OVCH1: variants seen among roughly 807,000 people sequenced by gnomAD.
OVCH1 encodes ovochymase 1, also known as ovochymase-1.
Under a neutral mutation model 138.4 loss-of-function variants are expected in OVCH1, and 139 were observed. That is an observed-to-expected ratio of 1.00 (90% CI 0.87 to 1.16). OVCH1 has a LOEUF of 1.16. Among genes scored for constraint, OVCH1 ranks in the 50% most tolerant of loss-of-function variants. The pLI is 0.00. For missense variants in OVCH1, 1,367 were observed against 1,357.9 expected (o/e 1.01, Z -0.11); for synonymous variants, 453 against 467.8 (o/e 0.97, Z 0.41).
chr12:29,489,316 G>A (rs3825241), intron 6 of OVCH1, among the ~76,000 whole-genome samples: 61,545 of 151,970 alleles, frequency 0.4, 12,739 homozygotes, highest in East Asian at 0.55. Context: ...TCATAGCTAG[G>A]CCTAATAAGA....
chr12:29,485,728 A>T (rs1943077662), intron 8 of OVCH1, among the ~76,000 whole-genome samples: 1 of 150,994 alleles, frequency 6.6e-6, no homozygotes, highest in Non-Finnish European at 1.5e-5. Flanking sequence ...GTGAGCCGAG[A>T]TTGTGCCACT....
At chr12:29,439,781 G>A (rs1162593041) in intron 25 of OVCH1, among the ~76,000 whole-genome samples, 72 bp downstream of exon 26, 1 of 152,098 alleles carries the variant, frequency 6.6e-6, no homozygotes, top group Admixed American at 6.6e-5. Context: ...ATAAATCAGA[G>A]GTTCCCACGA....
chr12:29,415,311 T>C (rs1347943653), intron 3 of OVCH1, among the ~76,000 whole-genome samples: 1 of 152,110 alleles, frequency 6.6e-6, no homozygotes, highest in African/African-American at 2.4e-5. Flanking sequence ...GAAGACAGAA[T>C]CATGCAGGCA....
exon 19 of OVCH1, chr12:29,461,916 C>T (rs762427786): frequency 3.1e-6 from 5 of 1,613,920 alleles, no homozygotes; most frequent in Non-Finnish European, 4.2e-6. Flanking sequence ...TCTGTGATCC[C>T]TCCTGGATGG....
rs1941111355 is a variant in OVCH1, at chr12:29,422,001, A to T, written c.*71+1126T>A. On this transcript the variant is annotated intron_variant and NMD_transcript_variant, in intron 3 of 4. Transcript: ENST00000539117. Reference sequence around the variant, plus strand: ...AATTCTCTTCTCCTTTTAAATATATATGCCAAAATCATGCAAACTCCTCAA... The same window carrying T: ...AATTCTCTTCTCCTTTTAAATATATTTGCCAAAATCATGCAAACTCCTCAA... Among the ~76,000 whole-genome samples the T allele has an allele frequency of 2.0e-5, 3 of 152,148 alleles. No individual in the cohort carries two copies. The East Asian group carries it at 5.8e-4, about 29-fold the overall frequency.
chr12:29,432,647 G>A (rs574812643), intron 27 of OVCH1, among the ~76,000 whole-genome samples: 218 of 152,252 alleles, frequency 1.4e-3, no homozygotes, highest in Middle Eastern at 6.8e-3. Context: ...TATAAATTTG[G>A]AAGTTATCAC....
intron 18 of OVCH1, among the ~76,000 whole-genome samples, chr12:29,463,839 T>G (rs534858606): frequency 2.6e-5 from 4 of 152,182 alleles, no homozygotes; most frequent in Non-Finnish European, 5.9e-5. Flanking sequence ...AGCTCACAGA[T>G]TCCAAATAAA....
intron 22 of OVCH1, 126 bp downstream of exon 22, chr12:29,451,219 A>G: frequency 1.8e-6 from 1 of 561,084 alleles, no homozygotes; most frequent in Non-Finnish European, 3.0e-6. Flanking sequence ...ACAAGGGAAA[A>G]AGCATTCCTA....
intron 8 of OVCH1, among the ~76,000 whole-genome samples, chr12:29,485,808 T>G (rs1441590069): frequency 6.7e-6 from 1 of 149,342 alleles, no homozygotes. Flanking sequence ...CTGGGTGTGG[T>G]GGGGGGTGCC....
Position 29,447,202 on chromosome 12 carries a change from T to C in OVCH1, c.2756-1799A>G, listed in dbSNP as rs567435883. On this transcript the variant is annotated intron_variant, in intron 22 of 27. Transcript: ENST00000318184. Reference sequence around the variant, plus strand: ...AAAACAAGCTGGGTACAGTAGCACATGCCAGGAATTTGGGAGGCTGAACTA... The same window carrying C: ...AAAACAAGCTGGGTACAGTAGCACACGCCAGGAATTTGGGAGGCTGAACTA... Among the ~76,000 whole-genome samples the C allele has an allele frequency of 6.6e-5, 10 of 152,206 alleles. No individual in the cohort carries two copies. In the South Asian group the frequency reaches 1.4e-3, roughly 22 times the overall value.
At chr12:29,409,550 T>C (rs1432790048), downstream of OVCH1, among the ~76,000 whole-genome samples, 1 of 152,102 alleles carries the variant, frequency 6.6e-6, no homozygotes, top group Non-Finnish European at 1.5e-5. Flanking sequence ...TATTTCTGCC[T>C]TCATTTCGTT....
chr12:29,461,631 C>G (rs963165212), intron 19 of OVCH1: 2 of 599,590 alleles, frequency 3.3e-6, no homozygotes, highest in Non-Finnish European at 6.1e-6. Context: ...ATGAACCCAC[C>G]GGCCTTTGTC....
chr12:29,448,059 C>T (rs145505592), intron 22 of OVCH1, among the ~76,000 whole-genome samples: 3 of 150,718 alleles, frequency 2.0e-5, no homozygotes, highest in Non-Finnish European at 4.4e-5. Flanking sequence ...CACCTGGCTT[C>T]GTGGGAGACA....
At chr12:29,472,996 T>C (rs7306407) in intron 15 of OVCH1, 33 bp downstream of exon 15, 233,539 of 1,554,472 alleles carry the variant, frequency 0.15, 19,591 homozygotes, top group African/African-American at 0.35. Context: ...GAAACAAGAT[T>C]AAACAGATAG....
chr12:29,430,642 T>G (rs1941251962), intron 27 of OVCH1, among the ~76,000 whole-genome samples: 1 of 152,168 alleles, frequency 6.6e-6, no homozygotes, highest in Non-Finnish European at 1.5e-5. Flanking sequence ...TCCAAAGGGC[T>G]TGTCTCACTT....
intron 6 of OVCH1, among the ~76,000 whole-genome samples, chr12:29,488,167 A>G (rs1013651121): frequency 2.6e-5 from 4 of 151,968 alleles, no homozygotes; most frequent in African/African-American, 9.7e-5. Context: ...ACTACCATGT[A>G]CATTCTAAAA....
chr12:29,448,903 A>G (rs556909997), intron 22 of OVCH1, among the ~76,000 whole-genome samples: 1 of 151,978 alleles, frequency 6.6e-6, no homozygotes, highest in Non-Finnish European at 1.5e-5. Flanking sequence ...ACACAAATTT[A>G]TTTTCTTTCC....
chr12:29,490,430 G>A (rs900497868), intron 5 of OVCH1, among the ~76,000 whole-genome samples: 8 of 151,954 alleles, frequency 5.3e-5, no homozygotes, highest in African/African-American at 1.9e-4. Flanking sequence ...TCAAGCTTTA[G>A]GTATAGTTGA....
exon 14 of OVCH1, chr12:29,475,165 A>G: frequency 6.7e-7 from 1 of 1,497,888 alleles, no homozygotes; most frequent in Non-Finnish European, 8.9e-7. Context: ...TATTGAAGTG[A>G]TGGTCAACAT....
Sources: gnomAD v4.1 joint callset for allele counts (sites outside exome capture counted in the v4.1 genomes callset) on GRCh38, gnomAD v4.1.1 for gene constraint, MANE v1.5 for transcripts, NCBI Gene and HGNC (gene_info 2026-07-23, HGNC 2026-07-21) for gene names.